The following LMBR1 variants were observed in gnomAD, a reference collection of about 807,000 sequenced individuals.
The protein encoded by LMBR1 is limb development membrane protein 1.
Under a neutral mutation model 73.9 loss-of-function variants are expected in LMBR1, and 52 were observed. That is an observed-to-expected ratio of 0.70 (90% CI 0.56 to 0.89). LMBR1 has a LOEUF of 0.89. Ranked by LOEUF, LMBR1 falls within the 40% of genes least tolerant of loss-of-function variation. The pLI, the probability that LMBR1 is intolerant of heterozygous loss-of-function variation, is 0.00. For synonymous variants in LMBR1, 215 were observed against 209.4 expected, an observed-to-expected ratio of 1.03 and a Z score of -0.23; for missense variants, 539 against 579.8, an observed-to-expected ratio of 0.93 and a Z score of 0.72.
At chr7:156,751,123 A>G (rs1038276363) in intron 9 of LMBR1, among the ~76,000 whole-genome samples, 18 of 152,184 alleles carry the variant, frequency 1.2e-4, no homozygotes, top group Admixed American at 6.5e-5. Context: ...AAATATAATT[A>G]AATAAATAAA....
chr7:156,690,708 G>T (rs1425994032), intron 15 of LMBR1, among the ~76,000 whole-genome samples: 1 of 151,650 alleles, frequency 6.6e-6, no homozygotes, highest in Non-Finnish European at 1.5e-5. Context: ...GTGCACCGAA[G>T]AAATAGACAA....
At chr7:156,779,882 G>A (rs995699983) in intron 5 of LMBR1, 31 of 285,230 alleles carry the variant, frequency 1.1e-4, no homozygotes, top group African/African-American at 6.0e-4. Flanking sequence ...TTAAAATAAG[G>A]TTTGCTCAGC....
chr7:156,848,063 TAA>T (rs1363349284), intron 1 of LMBR1, among the ~76,000 whole-genome samples: 6 of 139,790 alleles, frequency 4.3e-5, no homozygotes, highest in Admixed American at 7.2e-5. Flanking sequence ...CATTCAACAC[TAA>T]AAAAAAAAAA....
At chr7:156,859,048 G>A (rs1797367048) in intron 1 of LMBR1, among the ~76,000 whole-genome samples, 1 of 152,140 alleles carries the variant, frequency 6.6e-6, no homozygotes. Flanking sequence ...GAGGTCAGGA[G>A]TTTGAGACCA....
intron 15 of LMBR1, among the ~76,000 whole-genome samples, chr7:156,709,622 G>C (rs1459250356): frequency 6.6e-6 from 1 of 152,122 alleles, no homozygotes; most frequent in African/African-American, 2.4e-5. Flanking sequence ...ATCACTGCAG[G>C]CTGGCTCTCA....
At chr7:156,699,289 A>C (rs1809073248) in intron 15 of LMBR1, among the ~76,000 whole-genome samples, 1 of 152,218 alleles carries the variant, frequency 6.6e-6, no homozygotes, top group South Asian at 2.1e-4. Flanking sequence ...AACCTGACAA[A>C]AACAAGAAAT....
intron 9 of LMBR1, among the ~76,000 whole-genome samples, chr7:156,755,466 C>T (rs181370255): frequency 1.1e-4 from 16 of 152,316 alleles, no homozygotes; most frequent in Admixed American, 1.0e-3. Context: ...CTACCTGAGG[C>T]TGAAACAATC....
rs1259919324 is a variant in LMBR1, at chr7:156,669,207, C to T, written n.947G>A. The T allele has an allele frequency of 1.3e-5, 2 of 152,292 alleles. No individual in the cohort carries two copies. Among genetic ancestry groups the T allele is most frequent in the Non-Finnish European group, 2.9e-5 (2 of 68,100 alleles). 9.4% of individuals were successfully genotyped at this position (152,292 alleles called of 1,614,324 possible). A position where few individuals can be genotyped will look rare whatever the true frequency, so the allele number is the denominator to read the frequency against. On this transcript the variant is annotated non_coding_transcript_exon_variant, in exon 5 of 5. Transcript: ENST00000430825. The surrounding 1 kb of genome is among the most constrained non-coding windows in gnomAD (Gnocchi z 4.2). ...GTGCAAGGGCCCAGGTGTGAGCACC[C>T]AGCCGGCGTGCCTGTCTAGGTGCAT...
intron 1 of LMBR1, among the ~76,000 whole-genome samples, chr7:156,839,991 C>G (rs1166005193): frequency 2.0e-5 from 3 of 152,118 alleles, no homozygotes; most frequent in Non-Finnish European, 4.4e-5. Flanking sequence ...GGAATGAAGT[C>G]TGAGTAAGGC....
chr7:156,701,619 A>G (rs940783668), intron 15 of LMBR1, among the ~76,000 whole-genome samples: 1 of 152,254 alleles, frequency 6.6e-6, no homozygotes, highest in Non-Finnish European at 1.5e-5. Flanking sequence ...GGAATGTAAA[A>G]TGGTACAACC....
Position 156,796,278 on chromosome 7 carries a change from C to T in LMBR1, c.423+111G>A, listed in dbSNP as rs114781898. ...AATGTGTTATCAATATTATTTACTA[C>T]GCATTTTTTATATTCCATTTAAATA... On this transcript the variant is annotated intron_variant, in intron 5 of 16. Coordinates refer to ENST00000353442, the MANE Select transcript of LMBR1 (RefSeq NM_022458.4). The T allele has an allele frequency of 6.7e-4, 449 of 673,796 alleles. 1 individual carries two copies. The African/African-American group carries it at 6.9e-3, about 10-fold the overall frequency. 41.7% of individuals were successfully genotyped at this position (673,796 alleles called of 1,614,324 possible). A position where few individuals can be genotyped will look rare whatever the true frequency, so the allele number is the denominator to read the frequency against.
downstream of LMBR1, among the ~76,000 whole-genome samples, chr7:156,674,695 C>CA (rs113150038): frequency 6.4e-3 from 963 of 151,446 alleles, 17 homozygotes; most frequent in African/African-American, 0.022. Flanking sequence ...ACAAAAATAC[C>CA]AAAAAAAACA....
At chr7:156,766,346 T>C (rs1585652455) in intron 5 of LMBR1, among the ~76,000 whole-genome samples, 1 of 152,092 alleles carries the variant, frequency 6.6e-6, no homozygotes, top group Non-Finnish European at 1.5e-5. Flanking sequence ...ATATGGTGGG[T>C]TCCCCAGCTG....
At chr7:156,730,001 CACCT>C (rs1482034841) in intron 10 of LMBR1, among the ~76,000 whole-genome samples, 1 of 152,216 alleles carries the variant, frequency 6.6e-6, no homozygotes, top group East Asian at 1.9e-4. Flanking sequence ...ATTTGTACTA[CACCT>C]TCTTCTGCAA....
At chr7:156,721,458 A>T (rs1283295182) in intron 15 of LMBR1, among the ~76,000 whole-genome samples, 1 of 152,112 alleles carries the variant, frequency 6.6e-6, no homozygotes, top group African/African-American at 2.4e-5. Context: ...ATAGATAATT[A>T]GTTTGATCTT....
At chr7:156,886,068 T>C (rs1053369496) in intron 1 of LMBR1, among the ~76,000 whole-genome samples, 4 of 150,690 alleles carry the variant, frequency 2.7e-5, no homozygotes, top group African/African-American at 9.8e-5. Context: ...AAAAAAAGAC[T>C]TCCTTCAAGT....
At chr7:156,748,568 G>A (rs529076641) in intron 9 of LMBR1, among the ~76,000 whole-genome samples, 37 of 151,894 alleles carry the variant, frequency 2.4e-4, no homozygotes, top group African/African-American at 8.0e-4. Flanking sequence ...GGCTCATTGC[G>A]ACCTCTGCTG....
chr7:156,877,935 G>A (rs918531575), intron 1 of LMBR1, among the ~76,000 whole-genome samples: 4 of 149,126 alleles, frequency 2.7e-5, no homozygotes, highest in Admixed American at 6.7e-5. Flanking sequence ...CACACGAACA[G>A]AATTAAAAAC....
At chr7:156,676,614 C>T, downstream of LMBR1, 1 of 1,614,192 alleles carries the variant, frequency 6.2e-7, no homozygotes, top group Non-Finnish European at 8.5e-7. Context: ...TGCCTGTCCT[C>T]TCTGCCGCTC....
Sources: gnomAD v4.1 joint callset for allele counts (sites outside exome capture counted in the v4.1 genomes callset) on GRCh38, gnomAD v4.1.1 for gene constraint, Gnocchi (gnomAD v3.1) non-coding constraint, MANE v1.5 for transcripts, NCBI Gene and HGNC (gene_info 2026-07-23, HGNC 2026-07-21) for gene names.